TENM2: variants seen among roughly 807,000 people sequenced by gnomAD.
TENM2 encodes teneurin transmembrane protein 2, also known as teneurin-2.
Under a neutral mutation model 245.2 loss-of-function variants are expected in TENM2, and 52 were observed. The ratio of observed to expected loss-of-function variants is 0.21; its 90% confidence interval spans 0.17 to 0.27. The LOEUF (loss-of-function observed/expected upper bound fraction) is 0.27. TENM2 is among the 10% of genes least tolerant of loss of function. TENM2 has a pLI of 1.00. For synonymous variants in TENM2, 1,363 were observed against 1,438.9 expected, an observed-to-expected ratio of 0.95 and a Z score of 1.19; for missense variants, 3,046 against 3,666.8, an observed-to-expected ratio of 0.83 and a Z score of 4.37.
At chr5:167,908,683 C>T (rs932043352) in intron 3 of TENM2, among the ~76,000 whole-genome samples, 4 of 141,248 alleles carry the variant, frequency 2.8e-5, no homozygotes, top group African/African-American at 1.1e-4. Flanking sequence ...CTTTTTCTCT[C>T]TCCCTCTCTG....
chr5:167,543,782 T>C (rs900918779), intron 2 of TENM2, among the ~76,000 whole-genome samples: 1 of 152,144 alleles, frequency 6.6e-6, no homozygotes, highest in Non-Finnish European at 1.5e-5. Context: ...TTGGTGTTTT[T>C]CTGGCTTGCA....
rs1016234991 is a variant in TENM2 at position 167,707,968 on chromosome 5, G to A, written c.503-168018G>A. On this transcript the variant is annotated intron_variant, in intron 2 of 28. Transcript: ENST00000518659. ...GGTGAAAAGGAACGGTGTGGTGCTC[G>A]GAGTTTTCTGGTCCAAGCATTTGTT... is the stretch of plus-strand genomic sequence containing the variant. Among the ~76,000 whole-genome samples the A allele has an allele frequency of 6.6e-5, 10 of 152,174 alleles. No individual in the cohort carries two copies. In the South Asian group the frequency reaches 1.0e-3, roughly 16 times the overall value.
Position 168,118,036 on chromosome 5 carries a change from G to A in TENM2, c.1814-256G>A, listed in dbSNP as rs147232260. 1.3e-3 allele frequency among the ~76,000 whole-genome samples: 203 copies of A among 152,322 alleles called. 1 individual carries two copies. The highest frequency in any genetic ancestry group is 4.6e-3 in the African/African-American group (191 of 41,576). On this transcript the variant is annotated intron_variant, in intron 9 of 28. Coordinates refer to ENST00000518659, the Ensembl canonical transcript of TENM2. ...CTCATAGGGTGATTACGATGATGAAGTCATGAATTGCACATAAAGCCTTCT... is the reference window on the plus strand; with the variant it reads ...CTCATAGGGTGATTACGATGATGAAATCATGAATTGCACATAAAGCCTTCT...
intron 4 of TENM2, among the ~76,000 whole-genome samples, chr5:167,985,889 A>C (rs1051162061): frequency 3.9e-5 from 6 of 152,230 alleles, no homozygotes; most frequent in Non-Finnish European, 2.9e-5. Flanking sequence ...AAGAAAAGAA[A>C]TCTTTTGTTG....
chr5:167,375,119 GC>G (rs1225106298), intron 1 of TENM2, 78 bp from the exon 4 acceptor site: 21 of 1,453,476 alleles, frequency 1.4e-5, no homozygotes, highest in Middle Eastern at 1.7e-4. Context: ...AAAAGTGGCT[GC>G]TTTTTTGTAA....
chr5:167,488,014 A>C (rs1252030959), intron 2 of TENM2, among the ~76,000 whole-genome samples: 1 of 152,198 alleles, frequency 6.6e-6, no homozygotes, highest in Non-Finnish European at 1.5e-5. Flanking sequence ...CAGTATCCTC[A>C]GGTAATATTT....
the TENM2 span, among the ~76,000 whole-genome samples, chr5:167,014,763 A>G: frequency 3.3e-5 from 5 of 152,300 alleles, no homozygotes; most frequent in East Asian, 1.9e-4. Context: ...TCCAGATTCA[A>G]CGCTGCTTAG....
chr5:167,292,491 T>G (rs1440293158), intron 1 of TENM2, among the ~76,000 whole-genome samples: 1 of 152,218 alleles, frequency 6.6e-6, no homozygotes, highest in Non-Finnish European at 1.5e-5. Flanking sequence ...GCTTCCAATA[T>G]TTCAACACTG....
chr5:167,947,181 G>A (rs1435364576), intron 3 of TENM2, among the ~76,000 whole-genome samples: 2 of 152,126 alleles, frequency 1.3e-5, no homozygotes, highest in African/African-American at 4.8e-5. Flanking sequence ...ACTTGGAAAA[G>A]TTGGGCCCAC....
intron 2 of TENM2, among the ~76,000 whole-genome samples, chr5:167,511,209 G>A (rs1004140081): frequency 2.0e-5 from 3 of 152,052 alleles, no homozygotes; most frequent in East Asian, 3.9e-4. Flanking sequence ...GCACAAAGAC[G>A]ACATTGATTG....
At chr5:167,089,040 G>A in the TENM2 span, among the ~76,000 whole-genome samples, 771 of 152,254 alleles carry the variant, frequency 5.1e-3, 7 homozygotes, top group African/African-American at 0.017. Context: ...CATAATAATT[G>A]TATCTCATGA....
chr5:167,856,767 A>G (rs1279053971), intron 2 of TENM2, among the ~76,000 whole-genome samples: 5 of 152,196 alleles, frequency 3.3e-5, no homozygotes, highest in South Asian at 4.1e-4. Flanking sequence ...AGGGCCTACA[A>G]TCCTACTTCC....
chr5:167,221,052 T>G, the TENM2 span, among the ~76,000 whole-genome samples: 1 of 152,138 alleles, frequency 6.6e-6, no homozygotes, highest in East Asian at 1.9e-4. Flanking sequence ...GGTCTCAAAC[T>G]CTTGATCTCA....
At chr5:167,983,281 T>A (rs932131194) in intron 4 of TENM2, among the ~76,000 whole-genome samples, 1 of 152,114 alleles carries the variant, frequency 6.6e-6, no homozygotes, top group Non-Finnish European at 1.5e-5. Flanking sequence ...ACCTTGCCTG[T>A]CACACTGAGC....
intron 9 of TENM2, among the ~76,000 whole-genome samples, chr5:168,109,959 A>G (rs1794543687): frequency 6.6e-6 from 1 of 151,758 alleles, no homozygotes; most frequent in African/African-American, 2.4e-5. Flanking sequence ...CAGTTGCGTT[A>G]CCAAACAGAA....
At chr5:167,681,873 C>G (rs1312255066) in intron 2 of TENM2, among the ~76,000 whole-genome samples, 2 of 151,954 alleles carry the variant, frequency 1.3e-5, no homozygotes, top group African/African-American at 4.8e-5. Flanking sequence ...TCCAAATCAC[C>G]TATTTTCTCT....
chr5:167,170,701 C>T, the TENM2 span, among the ~76,000 whole-genome samples: 1 of 152,108 alleles, frequency 6.6e-6, no homozygotes, highest in Non-Finnish European at 1.5e-5. Context: ...AATCCCTCTT[C>T]GTTTTCTGTT....
intron 13 of TENM2, among the ~76,000 whole-genome samples, chr5:168,184,032 A>G (rs1760171732): frequency 1.3e-5 from 2 of 152,294 alleles, no homozygotes; most frequent in African/African-American, 4.8e-5. Context: ...GATCAAGAGC[A>G]TGCCCAGTGC....
intron 2 of TENM2, among the ~76,000 whole-genome samples, chr5:167,582,893 T>C (rs533206391): frequency 2.7e-4 from 41 of 152,242 alleles, no homozygotes; most frequent in Non-Finnish European, 4.4e-4. Flanking sequence ...CATTTCATGA[T>C]TTATACGTTG....
Sources: gnomAD v4.1 joint callset for allele counts (sites outside exome capture counted in the v4.1 genomes callset) on GRCh38, gnomAD v4.1.1 for gene constraint, MANE v1.5 for transcripts, NCBI Gene and HGNC (gene_info 2026-07-23, HGNC 2026-07-21) for gene names.